Variants in GNG12 observed in about 807,000 individuals in gnomAD.
GNG12 encodes G protein subunit gamma 12.
For synonymous variants in GNG12, 28 were observed against 29.7 expected (o/e 0.94, Z 0.19); for missense variants, 69 against 83.8 (o/e 0.82, Z 0.69).
intron 2 of GNG12, among the ~76,000 whole-genome samples, chr1:67,726,772 A>G (rs1404485686): frequency 6.6e-6 from 1 of 152,258 alleles, no homozygotes; most frequent in Non-Finnish European, 1.5e-5. Flanking sequence ...TGTTCTGAGT[A>G]TAACTCTACT....
chr1:67,816,320 A>G (rs755694343), intron 1 of GNG12, among the ~76,000 whole-genome samples: 20 of 152,120 alleles, frequency 1.3e-4, no homozygotes, highest in Non-Finnish European at 1.8e-4. Flanking sequence ...GGCAGAGTGC[A>G]AAGGGCACCC....
chr1:67,830,798 T>C (rs61089385), intron 1 of GNG12, among the ~76,000 whole-genome samples: 1,650 of 152,270 alleles, frequency 0.011, 35 homozygotes, highest in African/African-American at 0.037. Flanking sequence ...CCAGTTACTT[T>C]CTGTAGAATT....
chr1:67,810,961 G>C (rs1466827011), intron 1 of GNG12, among the ~76,000 whole-genome samples: 1 of 152,158 alleles, frequency 6.6e-6, no homozygotes, highest in Non-Finnish European at 1.5e-5. Flanking sequence ...CTGTTTGCTA[G>C]AATCAGTGGT....
At chr1:67,808,173 C>A (rs530518738) in intron 1 of GNG12, among the ~76,000 whole-genome samples, 1 of 152,156 alleles carries the variant, frequency 6.6e-6, no homozygotes, top group South Asian at 2.1e-4. Context: ...TTAATGGAAT[C>A]CATCCCATCA....
At chr1:67,803,829 C>T (rs1646880255) in intron 1 of GNG12, among the ~76,000 whole-genome samples, 1 of 152,150 alleles carries the variant, frequency 6.6e-6, no homozygotes, top group Non-Finnish European at 1.5e-5. Context: ...CTGAACACAT[C>T]TGTTAGAGGA....
At chr1:67,809,562 A>G (rs1444127452) in intron 1 of GNG12, among the ~76,000 whole-genome samples, 1 of 152,218 alleles carries the variant, frequency 6.6e-6, no homozygotes, top group Non-Finnish European at 1.5e-5. Flanking sequence ...AAATATATAT[A>G]AAGAACTCTT....
intron 1 of GNG12, among the ~76,000 whole-genome samples, chr1:67,786,933 A>ATG (rs1478985977): frequency 3.6e-4 from 19 of 52,114 alleles, no homozygotes; most frequent in African/African-American, 9.2e-4. Context: ...ACTTATATAT[A>ATG]TATGTGTGTG....
chr1:67,730,482 T>G (rs1570493450), intron 2 of GNG12, among the ~76,000 whole-genome samples: 1 of 151,986 alleles, frequency 6.6e-6, no homozygotes, highest in South Asian at 2.1e-4. Flanking sequence ...TCCAGCCTGG[T>G]CAACAGAGCA....
At chr1:67,768,171 A>G (rs984569894) in intron 2 of GNG12, among the ~76,000 whole-genome samples, 1 of 152,242 alleles carries the variant, frequency 6.6e-6, no homozygotes, top group Non-Finnish European at 1.5e-5. Context: ...TAAACATTTC[A>G]TATAGACTAT....
chr1:67,793,428 C>A (rs138657596), intron 1 of GNG12, among the ~76,000 whole-genome samples: 3 of 152,020 alleles, frequency 2.0e-5, no homozygotes, highest in African/African-American at 7.2e-5. Context: ...GATGTGAAAT[C>A]CTATTCAATT....
chr1:67,796,825 G>A (rs1267591238), intron 1 of GNG12, among the ~76,000 whole-genome samples: 1 of 152,170 alleles, frequency 6.6e-6, no homozygotes, highest in Non-Finnish European at 1.5e-5. Flanking sequence ...TGGGCTCACA[G>A]TTCTGCAGAC....
intron 2 of GNG12, among the ~76,000 whole-genome samples, chr1:67,755,134 T>G (rs1445811923): frequency 6.6e-6 from 1 of 152,246 alleles, no homozygotes; most frequent in African/African-American, 2.4e-5. Context: ...ATGGGATGCC[T>G]TTGACCTTTC....
intron 1 of GNG12, among the ~76,000 whole-genome samples, chr1:67,810,022 C>T (rs985910331): frequency 3.9e-5 from 6 of 152,102 alleles, no homozygotes; most frequent in African/African-American, 1.4e-4. Flanking sequence ...ACCAAAATGT[C>T]CTTTAGTAAG....
At chr1:67,756,145 T>C (rs1458516792) in intron 2 of GNG12, among the ~76,000 whole-genome samples, 1 of 151,974 alleles carries the variant, frequency 6.6e-6, no homozygotes, top group Admixed American at 6.6e-5. Context: ...GTGCAGTAAA[T>C]GTTATAATAG....
At chr1:67,793,878 C>T (rs1646815317) in intron 1 of GNG12, among the ~76,000 whole-genome samples, 1 of 152,228 alleles carries the variant, frequency 6.6e-6, no homozygotes, top group South Asian at 2.1e-4. Context: ...CACACAGTTT[C>T]TGGCATTAGT....
chr1:67,733,446 A>G (rs768511244), intron 2 of GNG12, among the ~76,000 whole-genome samples: 4 of 152,194 alleles, frequency 2.6e-5, no homozygotes, highest in Non-Finnish European at 5.9e-5. Context: ...GTGCACGTAT[A>G]TGATGTGCAT....
intron 2 of GNG12, among the ~76,000 whole-genome samples, chr1:67,743,101 T>C (rs986682702): frequency 1.3e-5 from 2 of 152,314 alleles, no homozygotes; most frequent in African/African-American, 4.8e-5. Flanking sequence ...GACTGCTTAG[T>C]AAAAAATTCA....
At chr1:67,750,226 G>C (rs974719812) in intron 2 of GNG12, among the ~76,000 whole-genome samples, 13 of 152,190 alleles carry the variant, frequency 8.5e-5, no homozygotes, top group African/African-American at 2.7e-4. Context: ...CTTCATGCTT[G>C]TGTGAGGCTC....
intron 1 of GNG12, among the ~76,000 whole-genome samples, chr1:67,782,378 C>T (rs1195149565): frequency 2.0e-5 from 3 of 152,178 alleles, no homozygotes; most frequent in African/African-American, 4.8e-5. Flanking sequence ...CATTGTACAA[C>T]GGCTTCTGTC....
Sources: allele counts gnomAD v4.1 joint callset (sites outside exome capture counted in the v4.1 genomes callset), GRCh38; gene constraint gnomAD v4.1.1; transcripts MANE v1.5; gene names NCBI Gene and HGNC (gene_info 2026-07-23, HGNC 2026-07-21).